EIF2AK4: variants seen among roughly 807,000 people sequenced by gnomAD.
The protein encoded by EIF2AK4 is eIF-2-alpha kinase GCN2.
Under a neutral mutation model 211.1 loss-of-function variants are expected in EIF2AK4, and 139 were observed. The observed-to-expected ratio is 0.66, with a 90% CI of 0.57 to 0.76. EIF2AK4 has a LOEUF of 0.76. Among genes scored for constraint, EIF2AK4 ranks in the 30% least tolerant of loss-of-function variants. The probability of loss-of-function intolerance (pLI) is 0.00; values close to 1 mark genes in which losing one functional copy is unlikely to be tolerated. For synonymous variants in EIF2AK4, 710 were observed against 751.3 expected (o/e 0.94, Z 0.90); for missense variants, 1,664 against 2,043.8 (o/e 0.81, Z 3.58).
intron 7 of EIF2AK4, among the ~76,000 whole-genome samples, chr15:39,963,324 A>G (rs2034498730): frequency 6.6e-6 from 1 of 152,202 alleles, no homozygotes; most frequent in Non-Finnish European, 1.5e-5. Context: ...GAAATCAAGA[A>G]GGCAAATTAA....
At chr15:40,001,926 A>C (rs2035098442) in intron 21 of EIF2AK4, among the ~76,000 whole-genome samples, 1 of 152,184 alleles carries the variant, frequency 6.6e-6, no homozygotes, top group Non-Finnish European at 1.5e-5. Context: ...TTTAACATTT[A>C]ATTTCTTTTA....
chr15:40,026,335 A>G lies in EIF2AK4; in HGVS notation c.4502+246A>G, dbSNP rs140036823. ...TAGCTGGGCATGGTGGTGCATTCCT[A>G]TGGTCCCAGCTACTCAGGAGCTGAG... On this transcript the variant is annotated intron_variant, in intron 33 of 38. Transcript: ENST00000263791. Among the ~76,000 whole-genome samples the G allele has an allele frequency of 0.014, 2,180 of 152,206 alleles. 50 individuals carry two copies. The highest frequency in any genetic ancestry group is 0.05 in the African/African-American group (2,082 of 41,514).
intron 23 of EIF2AK4, among the ~76,000 whole-genome samples, 163 bp from the exon 24 acceptor site, chr15:40,006,853 G>C (rs879465381): frequency 2.6e-5 from 4 of 152,204 alleles, no homozygotes; most frequent in Admixed American, 2.0e-4. Flanking sequence ...TTCAGGGAGT[G>C]TGAGTGGTGA....
chr15:39,999,121 GA>G (rs879551411), intron 20 of EIF2AK4, among the ~76,000 whole-genome samples: 10 of 152,068 alleles, frequency 6.6e-5, no homozygotes, highest in Non-Finnish European at 1.3e-4. Flanking sequence ...GGGGCTTTAA[GA>G]AAAAAATATA....
rs570807710 is a variant in EIF2AK4 at position 39,997,962 on chromosome 15, T to A, written c.2869-769T>A. ...TAAGTTAATTCATAAACACGATAAC[T>A]AGAATGCAGTAAGAATACTCCTGTA... is the stretch of plus-strand genomic sequence containing the variant. On this transcript the variant is annotated intron_variant, in intron 19 of 38. Transcript: ENST00000263791. Among the ~76,000 whole-genome samples the A allele has an allele frequency of 2.6e-4, 39 of 152,350 alleles. 1 individual carries two copies. Among genetic ancestry groups the A allele is most frequent in the African/African-American group, 8.2e-4 (34 of 41,576 alleles).
chr15:39,970,408 A>G (rs1029027855), intron 9 of EIF2AK4, among the ~76,000 whole-genome samples: 1 of 152,204 alleles, frequency 6.6e-6, no homozygotes, highest in Non-Finnish European at 1.5e-5. Context: ...CAGAAACCCA[A>G]CAGGGCATAT....
At chr15:39,975,722 A>G (rs1040943280) in intron 11 of EIF2AK4, among the ~76,000 whole-genome samples, 2 of 152,234 alleles carry the variant, frequency 1.3e-5, no homozygotes, top group Admixed American at 1.3e-4. Flanking sequence ...TTCAGTATAC[A>G]TCATCTTAGG....
chr15:40,000,675 C>T (rs995960496), intron 20 of EIF2AK4, among the ~76,000 whole-genome samples: 9 of 152,034 alleles, frequency 5.9e-5, no homozygotes, highest in African/African-American at 1.7e-4. Context: ...TCTTTTTATA[C>T]GATATTTTCT....
chr15:40,001,107 G>A lies in EIF2AK4; in HGVS notation c.3042G>A (p.Val1014=). The change falls in exon 21 of 39, where the codon GTG becomes GTA. Residue 1014 remains valine, a synonymous_variant. Transcript: ENST00000263791. ...TGGAGGAGTCAGAGCTGCATGAAGT[G>A]CTGCACCACACGCTGACCAACGTGG... ...PQMEESELHE[V]LHHTLTNVDG... 6.2e-7 allele frequency: 1 copy of A among 1,614,172 alleles called. No individual in the cohort carries two copies.
intron 14 of EIF2AK4, among the ~76,000 whole-genome samples, chr15:39,987,261 G>A (rs77714225): frequency 0.062 from 9,392 of 152,286 alleles, 465 homozygotes; most frequent in East Asian, 0.28. Flanking sequence ...ATCAGAGGGG[G>A]CCTTGTGAGG....
intron 30 of EIF2AK4, chr15:40,020,672 G>A (rs2035373513): frequency 7.8e-6 from 2 of 254,992 alleles, no homozygotes; most frequent in Admixed American, 5.2e-5. Context: ...CTGGGTGACA[G>A]AGTGAGACTC....
In EIF2AK4 at chr15:40,001,172, C is replaced by A. The variant is rs187775209; in HGVS notation, c.3107C>A (p.Ser1036Ter). ...CGCACCATGATGGCCCAGATCTTCT[C>A]GCAGCGCATCTCCCCTGCCATCGAT... ...AYRTMMAQIF[S>*]QRISPAIDYT... Residue 1036 changes from serine to a stop codon, truncating the protein, a stop_gained, in exon 21 of 39, where the codon TCG becomes TAG. Transcript: ENST00000263791. LOFTEE classifies it high-confidence loss of function. 1 of 1,613,896 alleles carries A rather than the reference C, an allele frequency of 6.2e-7. No homozygotes were observed. The highest frequency in any genetic ancestry group is 8.5e-7 in the Non-Finnish European group (1 of 1,180,004).
intron 14 of EIF2AK4, 38 bp from the exon 15 acceptor site, chr15:39,987,943 CTG>C: frequency 6.2e-7 from 1 of 1,607,844 alleles, no homozygotes; most frequent in Non-Finnish European, 8.5e-7. Context: ...TCACTTAAAA[CTG>C]TTGTGTAATC....
rs1214675806 is a variant in EIF2AK4, at chr15:39,934,334, G to A, written c.139G>A (p.Gly47Arg). The A allele has an allele frequency of 1.2e-6, 2 of 1,607,222 alleles. No individual in the cohort carries two copies. Among genetic ancestry groups the A allele is most frequent in the South Asian group, 1.1e-5 (1 of 89,918 alleles). Residue 47 changes from glycine to arginine, a missense_variant, in exon 1 of 39, where the codon GGA (glycine) becomes AGA (arginine). By Grantham distance (125) the Gly-to-Arg change is moderately radical. Coordinates refer to ENST00000263791, the MANE Select transcript of EIF2AK4 (RefSeq NM_001013703.4). ...DFQDLRPDAC[G>R]PVKEPPEINL... ...CCAAGACCTGCGGCCGGACGCTTGC[G>A]GACCGGTAGGAACGTGGCTTGTCAG...
rs2034917784 is a variant in EIF2AK4 at position 39,989,812 on chromosome 15, T to G, written c.2527-461T>G. On this transcript the variant is annotated intron_variant, in intron 15 of 38. Transcript: ENST00000263791. Reference sequence around the variant, plus strand: ...GTGTGCTGGGGATGCCAAGTTGAACTGTTAGAATTACTGTGGAAGGCTCAT... The same window carrying G: ...GTGTGCTGGGGATGCCAAGTTGAACGGTTAGAATTACTGTGGAAGGCTCAT... Among the ~76,000 whole-genome samples, 3 of 152,232 alleles carry G rather than the reference T, an allele frequency of 2.0e-5. No homozygotes were observed. In the South Asian group the frequency reaches 6.2e-4, roughly 31 times the overall value.
chr15:40,030,080 C>T (rs2035518836), intron 34 of EIF2AK4, among the ~76,000 whole-genome samples: 1 of 152,052 alleles, frequency 6.6e-6, no homozygotes, highest in Non-Finnish European at 1.5e-5. Flanking sequence ...TTTCTTAGGC[C>T]CCTGAGGTTT....
Position 40,022,735 on chromosome 15 carries a change from G to A in EIF2AK4, c.4389+130G>A, listed in dbSNP as rs970438546. ...CCCTCTACTCTCCCTTTCCATTGTT[G>A]GGTTTCTTTTTTTTTTTTGAGACGG... On this transcript the variant is annotated intron_variant, in intron 32 of 38. Coordinates refer to ENST00000263791, the MANE Select transcript of EIF2AK4 (RefSeq NM_001013703.4). 9.5e-6 allele frequency: 7 copies of A among 738,350 alleles called. No individual in the cohort carries two copies. In the Admixed American group the frequency reaches 9.7e-5, roughly 10 times the overall value. 45.7% of individuals were successfully genotyped at this position (738,350 alleles called of 1,614,324 possible). A position where few individuals can be genotyped will look rare whatever the true frequency, so the allele number is the denominator to read the frequency against.
Position 40,034,395 on chromosome 15 carries a change from T to C in EIF2AK4, c.4843T>C (p.Tyr1615His). The change falls in exon 38 of 39, where the codon TAC (tyrosine) becomes CAC (histidine). Residue 1615 changes from tyrosine to histidine, a missense_variant. Coordinates refer to ENST00000263791, the MANE Select transcript of EIF2AK4 (RefSeq NM_001013703.4). ...GCTGTCACGCCTGCCAAAGCAAAGA[T>C]ACCTCAAATTAGTCTGTGATGAAAT... ...QLLSRLPKQRYLKLVCDEIYN... is the reference protein window; with the variant it reads ...QLLSRLPKQRHLKLVCDEIYN... The C allele has an allele frequency of 6.2e-7, 1 of 1,614,132 alleles. No individual in the cohort carries two copies.
rs1408393865 is a variant in EIF2AK4, at chr15:39,987,468, C to T, written c.2404-515C>T. ...GATTTAAGTCATGTTGCACTGTTTT[C>T]TGATATGTGAATACACTCAAGAAGG... is the stretch of plus-strand genomic sequence containing the variant. On this transcript the variant is annotated intron_variant, in intron 14 of 38. Transcript: ENST00000263791. Among the ~76,000 whole-genome samples the T allele has an allele frequency of 2.0e-5, 3 of 152,174 alleles. No individual in the cohort carries two copies. In the East Asian group the frequency reaches 5.8e-4, roughly 29 times the overall value.
Sources: allele counts gnomAD v4.1 joint callset (sites outside exome capture counted in the v4.1 genomes callset), GRCh38; gene constraint gnomAD v4.1.1; transcripts MANE v1.5; gene names NCBI Gene and HGNC (gene_info 2026-07-23, HGNC 2026-07-21).